Variants in PRKAG2 observed in about 807,000 individuals in gnomAD.
PRKAG2 encodes 5'-AMP-activated protein kinase subunit gamma-2.
In PRKAG2, 26 loss-of-function variants were observed where a neutral mutation model predicts 69.6. The ratio of observed to expected loss-of-function variants is 0.37; its 90% CI spans 0.27 to 0.52. The LOEUF is 0.52. Among genes scored for constraint, PRKAG2 ranks in the 20% least tolerant of loss-of-function variants. The pLI, the probability that PRKAG2 is intolerant of heterozygous loss-of-function variation, is 0.90. For synonymous variants in PRKAG2, 293 were observed against 285.0 expected, an observed-to-expected ratio of 1.03 and a Z score of -0.28; for missense variants, 557 against 740.0, an observed-to-expected ratio of 0.75 and a Z score of 2.87.
intron 5 of PRKAG2, among the ~76,000 whole-genome samples, chr7:151,628,248 G>C (rs1408316607): frequency 6.6e-6 from 1 of 152,172 alleles, no homozygotes; most frequent in Non-Finnish European, 1.5e-5. Flanking sequence ...TAAAACTGCT[G>C]AATAATTACC....
intron 5 of PRKAG2, among the ~76,000 whole-genome samples, chr7:151,616,659 C>T (rs995100194): frequency 6.6e-6 from 1 of 152,222 alleles, no homozygotes; most frequent in Admixed American, 6.5e-5. Flanking sequence ...GTGTGATAAG[C>T]ACTGTGGGTG....
At chr7:151,558,240 G>A (rs543311348) in intron 15 of PRKAG2, 12 of 985,432 alleles carry the variant, frequency 1.2e-5, no homozygotes, top group African/African-American at 5.2e-5. Context: ...TCTGGGGAAC[G>A]GTGGCCATTG....
chr7:151,622,070 G>C (rs73730226), intron 5 of PRKAG2, among the ~76,000 whole-genome samples: 1 of 152,116 alleles, frequency 6.6e-6, no homozygotes, highest in Non-Finnish European at 1.5e-5. Context: ...TGATTTCACT[G>C]ATCTATGTCA....
At chr7:151,837,657 T>C (rs2079176816) in intron 1 of PRKAG2, among the ~76,000 whole-genome samples, 1 of 152,156 alleles carries the variant, frequency 6.6e-6, no homozygotes, top group African/African-American at 2.4e-5. Flanking sequence ...GAGTTCTGAA[T>C]GCCACACGCG....
At chr7:151,748,266 T>C (rs1485225122) in intron 3 of PRKAG2, among the ~76,000 whole-genome samples, 1 of 152,214 alleles carries the variant, frequency 6.6e-6, no homozygotes, top group Admixed American at 6.5e-5. Flanking sequence ...ACTTACAGTA[T>C]AAGTAAACAA....
At chr7:151,839,671 A>G (rs61462038) in intron 1 of PRKAG2, among the ~76,000 whole-genome samples, 5,722 of 152,308 alleles carry the variant, frequency 0.038, 325 homozygotes, top group African/African-American at 0.13. Flanking sequence ...ACTAGGGAAG[A>G]AACGCCAGGG....
chr7:151,726,124 C>T (rs1329321595), intron 3 of PRKAG2, among the ~76,000 whole-genome samples: 3 of 152,096 alleles, frequency 2.0e-5, no homozygotes, highest in Non-Finnish European at 4.4e-5. Flanking sequence ...GTGTCCTTCA[C>T]AGGCAGCATC....
chr7:151,565,675 T>C (rs1416504980), intron 12 of PRKAG2, 45 bp downstream of exon 12: 3 of 1,580,594 alleles, frequency 1.9e-6, no homozygotes, highest in African/African-American at 1.3e-5. Context: ...AATTGCACCC[T>C]GAGATAAACA....
At chr7:151,681,570 T>G (rs1299660244) in intron 3 of PRKAG2, among the ~76,000 whole-genome samples, 5 of 152,154 alleles carry the variant, frequency 3.3e-5, no homozygotes, top group Non-Finnish European at 7.4e-5. Flanking sequence ...GGTAGAGTCT[T>G]GCAGCATCAA....
intron 3 of PRKAG2, among the ~76,000 whole-genome samples, chr7:151,710,685 T>G (rs78257587): frequency 0.046 from 6,958 of 152,254 alleles, 287 homozygotes; most frequent in East Asian, 0.12. Flanking sequence ...TGCCACATGC[T>G]CATTCAGCTT....
chr7:151,765,422 A>G (rs1466145257), intron 3 of PRKAG2, among the ~76,000 whole-genome samples: 1 of 152,182 alleles, frequency 6.6e-6, no homozygotes, highest in Non-Finnish European at 1.5e-5. Flanking sequence ...CTCCTCCAAC[A>G]TGTGGGGATT....
intron 1 of PRKAG2, among the ~76,000 whole-genome samples, chr7:151,822,749 T>C (rs942952115): frequency 6.6e-6 from 1 of 152,052 alleles, no homozygotes; most frequent in Admixed American, 6.5e-5. Flanking sequence ...GGAGCCAGGG[T>C]CAGGGGTGCA....
intron 1 of PRKAG2, among the ~76,000 whole-genome samples, chr7:151,865,943 C>G: frequency 6.7e-6 from 1 of 150,276 alleles, no homozygotes; most frequent in East Asian, 2.0e-4. Context: ...TGGTGTGAAC[C>G]TGGGAGGCGG....
intron 1 of PRKAG2, among the ~76,000 whole-genome samples, chr7:151,871,065 C>T (rs1275885186): frequency 6.6e-6 from 1 of 152,344 alleles, no homozygotes; most frequent in Non-Finnish European, 1.5e-5. Flanking sequence ...GACGTCTTCC[C>T]TCTCCCTGGG....
At position 151,800,860 on chromosome 7, in the gene PRKAG2, A is replaced by G. The variant is rs2077802726; in HGVS notation, c.115-14319T>C. Reference sequence around the variant, plus strand: ...GACTTCGGTTAACAATAAGGTATCAACAGAAGCTCAATGGTAACAGAGGTG... The same window carrying G: ...GACTTCGGTTAACAATAAGGTATCAGCAGAAGCTCAATGGTAACAGAGGTG... On this transcript the variant is annotated intron_variant, in intron 1 of 15. Coordinates refer to ENST00000287878, the MANE Select transcript of PRKAG2 (RefSeq NM_016203.4). Among the ~76,000 whole-genome samples the G allele has an allele frequency of 2.0e-5, 3 of 152,338 alleles. No homozygotes were observed. In the South Asian group the frequency reaches 6.2e-4, roughly 32 times the overall value.
chr7:151,700,789 C>T (rs535711871), intron 3 of PRKAG2, among the ~76,000 whole-genome samples: 1 of 152,324 alleles, frequency 6.6e-6, no homozygotes, highest in Non-Finnish European at 1.5e-5. Context: ...CCCTTAACCT[C>T]CCACACCCAT....
At position 151,850,979 on chromosome 7, in the gene PRKAG2, A is replaced by G. The variant is rs2079554208; in HGVS notation, c.114+25528T>C. On this transcript the variant is annotated intron_variant, in intron 1 of 15. Coordinates refer to ENST00000287878, the MANE Select transcript of PRKAG2 (RefSeq NM_016203.4). This position sits in a 1 kb window ranked among gnomAD's most constrained non-coding sequence, Gnocchi z 4.1. ...CCCACAGGGGTACCCCTGCTCCCCAACCCGCAAATGGGTGGTGAGACCTGA... is the reference window on the plus strand; with the variant it reads ...CCCACAGGGGTACCCCTGCTCCCCAGCCCGCAAATGGGTGGTGAGACCTGA... 6.6e-6 allele frequency among the ~76,000 whole-genome samples: 1 copy of G among 151,846 alleles called. No homozygotes were observed. The highest frequency in any genetic ancestry group is 1.5e-5 in the Non-Finnish European group (1 of 67,972).
At chr7:151,566,195 G>A (rs1262525700) in intron 11 of PRKAG2, among the ~76,000 whole-genome samples, 1 of 152,136 alleles carries the variant, frequency 6.6e-6, no homozygotes, top group Non-Finnish European at 1.5e-5. Context: ...GTCTATTTGG[G>A]ATATTAAGAC....
intron 5 of PRKAG2, among the ~76,000 whole-genome samples, chr7:151,624,891 T>C (rs1270344875): frequency 6.6e-6 from 1 of 152,208 alleles, no homozygotes; most frequent in Non-Finnish European, 1.5e-5. Context: ...TATGTCTTTG[T>C]AAGAAATAAC....
Sources: allele counts gnomAD v4.1 joint callset (sites outside exome capture counted in the v4.1 genomes callset), GRCh38; gene constraint gnomAD v4.1.1; non-coding constraint Gnocchi (gnomAD v3.1); transcripts MANE v1.5; gene names NCBI Gene and HGNC (gene_info 2026-07-23, HGNC 2026-07-21).